SLC36A3: variants seen among roughly 807,000 people sequenced by gnomAD.
SLC36A3 encodes the protein proton-coupled amino acid transporter 3.
SLC36A3 carries 35 observed loss-of-function variants against 44.3 expected under a neutral mutation model. The observed-to-expected ratio is 0.79, with a 90% CI of 0.60 to 1.05. The LOEUF is 1.05. SLC36A3 is among the 50% of genes least tolerant of loss of function. The probability of loss-of-function intolerance (pLI) is 0.00; values close to 1 mark genes in which losing one functional copy is unlikely to be tolerated. For missense variants in SLC36A3, 540 were observed against 578.7 expected (o/e 0.93, Z 0.69); for synonymous variants, 211 against 227.6 (o/e 0.93, Z 0.66).
rs1434458977 is a variant in SLC36A3, at chr5:151,284,151, C to T, written c.867G>A (p.Leu289=). ...AGAGGATGATGACAATGGACATCCCCAAGTACAGAACAAAAGAAAACTGCT... is the reference window on the plus strand; with the variant it reads ...AGAGGATGATGACAATGGACATCCCTAAGTACAGAACAAAAGAAAACTGCT... The part of the protein sequence containing the change: ...HPQQFSFVLY[L]GMSIVIILYI... The change falls in exon 8 of 10, where the codon TTG becomes TTA. Residue 289 remains leucine (L), a synonymous_variant. Transcript: ENST00000335230. 3 of 1,613,906 alleles carry T rather than the reference C, an allele frequency of 1.9e-6. No individual in the cohort carries two copies. The highest frequency in any genetic ancestry group is 2.5e-6 in the Non-Finnish European group (3 of 1,179,956).
intron 1 of SLC36A3, among the ~76,000 whole-genome samples, chr5:151,301,018 C>A (rs1755151121): frequency 6.6e-6 from 1 of 152,212 alleles, no homozygotes; most frequent in African/African-American, 2.4e-5. Flanking sequence ...ATGTGTTAAC[C>A]TTTCTCTTAA....
At chr5:151,282,356 C>T (rs34923023) in intron 8 of SLC36A3, among the ~76,000 whole-genome samples, 16,005 of 151,814 alleles carry the variant, frequency 0.11, 938 homozygotes, top group East Asian at 0.22. Context: ...TTAGTAGAGA[C>T]GGGGTTTCTC....
intron 4 of SLC36A3, among the ~76,000 whole-genome samples, chr5:151,290,555 G>A (rs1194100778): frequency 1.3e-5 from 2 of 152,162 alleles, no homozygotes; most frequent in African/African-American, 4.8e-5. Context: ...TGAATTTGTC[G>A]GTGTATTTGT....
In SLC36A3 at chr5:151,292,975, ACT is replaced by A. The variant is rs1754813969; in HGVS notation, c.404+387_404+388del. ...CTCCAGCCTGAGCAACAAGAGTGAA[ACT>A]CTGTCCCTCCCCCCCCAAAAATGAG... On this transcript the variant is annotated intron_variant, in intron 4 of 9. Transcript: ENST00000335230. Among the ~76,000 whole-genome samples, 3 of 152,038 alleles carry A rather than the reference ACT, an allele frequency of 2.0e-5. No individual in the cohort carries two copies. The South Asian group carries it at 6.2e-4, about 32-fold the overall frequency.
intron 8 of SLC36A3, among the ~76,000 whole-genome samples, chr5:151,281,723 CAGG>C (rs1462457602): frequency 6.6e-6 from 1 of 152,104 alleles, no homozygotes; most frequent in African/African-American, 2.4e-5. Context: ...GAGGCTGAGA[CAGG>C]AGAATTGCTT....
intron 8 of SLC36A3, among the ~76,000 whole-genome samples, chr5:151,282,891 T>C (rs199993837): frequency 0.27 from 31,770 of 115,956 alleles, 3,520 homozygotes; most frequent in Admixed American, 0.41. Context: ...TCTTTCTTTT[T>C]TTTTTTTTTT....
At chr5:151,298,370 G>C (rs1176539705) in intron 2 of SLC36A3, 3 of 505,140 alleles carry the variant, frequency 5.9e-6, no homozygotes, top group Admixed American at 3.5e-5. Context: ...GCAAAGTAGA[G>C]TCAGATGAGC....
At chr5:151,285,904 A>C (rs1754518356) in intron 6 of SLC36A3, among the ~76,000 whole-genome samples, 1 of 152,214 alleles carries the variant, frequency 6.6e-6, no homozygotes, top group Non-Finnish European at 1.5e-5. Context: ...GGAATCCAGA[A>C]AGGAATGCTG....
At chr5:151,289,059 CAA>C (rs539120210) in intron 4 of SLC36A3, 10 of 109,770 alleles carry the variant, frequency 9.1e-5, no homozygotes, top group Middle Eastern at 1.1e-3. Context: ...AATTCCATCT[CAA>C]AAAAAAAAAA....
intron 6 of SLC36A3, among the ~76,000 whole-genome samples, chr5:151,286,752 G>A (rs1754548989): frequency 6.6e-6 from 1 of 152,098 alleles, no homozygotes; most frequent in African/African-American, 2.4e-5. Context: ...AAATAGTATT[G>A]CGAAGGTTCA....
In SLC36A3 at chr5:151,284,178, T is replaced by C. The variant is rs1261518204; in HGVS notation, c.840A>G (p.Pro280=). ...AGTACAGAACAAAAGAAAACTGCTG[T>C]GGATGCTTCATCTGGTTTTTGAGAG... The part of the protein sequence containing the change: ...VLPLKNQMKH[P]QQFSFVLYLG... Residue 280 remains proline, a synonymous_variant, in exon 8 of 10, where the codon CCA becomes CCG. Transcript: ENST00000335230. 1 of 1,611,552 alleles carries C rather than the reference T, an allele frequency of 6.2e-7. No homozygotes were observed. Among genetic ancestry groups the C allele is most frequent in the Non-Finnish European group, 8.5e-7 (1 of 1,179,270 alleles).
chr5:151,277,420 C>T lies in SLC36A3; in HGVS notation c.1386G>A (p.Met462Ile), dbSNP rs1054025924. The change falls in exon 10 of 10, where the codon ATG (methionine) becomes ATA (isoleucine). Residue 462 changes from methionine (M) to isoleucine (I), a missense_variant. Met to Ile is a conservative substitution (Grantham distance 10, BLOSUM62 1). Transcript: ENST00000335230. Reference sequence around the variant, plus strand: ...ATGCATGGACACCTGTGGAGTTGGCCATGGAATGGCTGATGGGTTGGGGCA... The same window carrying T: ...ATGCATGGACACCTGTGGAGTTGGCTATGGAATGGCTGATGGGTTGGGGCA... ...YELPQPISHSMANSTGVHA is the reference protein window; with the variant it reads ...YELPQPISHSIANSTGVHA 1 of 1,614,100 alleles carries T rather than the reference C, an allele frequency of 6.2e-7. No homozygotes were observed.
intron 3 of SLC36A3, among the ~76,000 whole-genome samples, chr5:151,295,067 A>G (rs1300259481): frequency 3.0e-5 from 2 of 67,780 alleles, no homozygotes; most frequent in African/African-American, 7.1e-5. Context: ...GTCATCAGAG[A>G]AAAAAAAAAA....
At chr5:151,292,283 TAGAG>T (rs1754787102) in intron 4 of SLC36A3, among the ~76,000 whole-genome samples, 1 of 152,172 alleles carries the variant, frequency 6.6e-6, no homozygotes, top group Non-Finnish European at 1.5e-5. Flanking sequence ...ATCTAATCAT[TAGAG>T]TGGCTCCTGA....
chr5:151,285,633 G>A (rs1754508377), intron 6 of SLC36A3, among the ~76,000 whole-genome samples: 1 of 152,196 alleles, frequency 6.6e-6, no homozygotes, highest in South Asian at 2.1e-4. Flanking sequence ...ATGTTACATG[G>A]CGAGGGAGAA....
intron 2 of SLC36A3, chr5:151,297,520 A>G (rs1458854725): frequency 6.6e-6 from 1 of 152,232 alleles, no homozygotes; most frequent in Non-Finnish European, 1.5e-5. Context: ...GGAATTATAT[A>G]TTTGGTATCT....
chr5:151,301,663 C>G (rs546406129), intron 1 of SLC36A3, among the ~76,000 whole-genome samples: 2 of 150,820 alleles, frequency 1.3e-5, no homozygotes, highest in African/African-American at 4.9e-5. Context: ...ACTCCGGTCT[C>G]GAGCTTGCAG....
intron 5 of SLC36A3, among the ~76,000 whole-genome samples, chr5:151,287,928 T>C (rs1754604290): frequency 6.6e-6 from 1 of 152,210 alleles, no homozygotes; most frequent in Admixed American, 6.5e-5. Context: ...CAGTTCTTTC[T>C]GGCTGTTTGG....
chr5:151,282,064 ATGTAGACTCC>A (rs1754338222), intron 8 of SLC36A3, among the ~76,000 whole-genome samples: 1 of 144,414 alleles, frequency 6.9e-6, no homozygotes, highest in South Asian at 2.2e-4. Flanking sequence ...GCACATACAC[ATGTAGACTCC>A]TCTTTTATTT....
Sources: gnomAD v4.1 joint callset for allele counts (sites outside exome capture counted in the v4.1 genomes callset) on GRCh38, gnomAD v4.1.1 for gene constraint, MANE v1.5 for transcripts, NCBI Gene and HGNC (gene_info 2026-07-23, HGNC 2026-07-21) for gene names.